Variants in GSTCD observed in about 807,000 individuals in gnomAD.
The protein encoded by GSTCD is glutathione S-transferase C-terminal domain containing, also known as glutathione S-transferase C-terminal domain-containing protein.
GSTCD carries 44 observed loss-of-function variants against 68.3 expected under a neutral mutation model. That is an observed-to-expected ratio of 0.64 (90% CI 0.51 to 0.83). GSTCD has a LOEUF of 0.83. Among genes scored for constraint, GSTCD ranks in the 40% least tolerant of loss-of-function variants. The probability of loss-of-function intolerance (pLI) is 0.00; values close to 1 mark genes in which losing one functional copy is unlikely to be tolerated. For synonymous variants in GSTCD, 273 were observed against 255.2 expected, an observed-to-expected ratio of 1.07 and a Z score of -0.67; for missense variants, 739 against 735.9, an observed-to-expected ratio of 1.00 and a Z score of -0.05.
intron 5 of GSTCD, among the ~76,000 whole-genome samples, chr4:105,773,010 T>C (rs1734915745): frequency 6.6e-6 from 1 of 152,218 alleles, no homozygotes; most frequent in African/African-American, 2.4e-5. Flanking sequence ...GTTGGTAGGC[T>C]ATTAATTACT....
intron 5 of GSTCD, among the ~76,000 whole-genome samples, chr4:105,743,106 C>A (rs940701051): frequency 6.6e-6 from 1 of 151,816 alleles, no homozygotes; most frequent in African/African-American, 2.4e-5. Context: ...CCCGCCACCA[C>A]GCCTGGCTAA....
rs896712615 is a variant in GSTCD at position 105,777,866 on chromosome 4, T to C, written c.1241-45088T>C. ...AAATTCAAGGCATTTTTAATTATTA[T>C]ATAATTTTAATTATATATTAACAAT... On this transcript the variant is annotated intron_variant, in intron 5 of 11. Coordinates refer to ENST00000515279, the MANE Select transcript of GSTCD (RefSeq NM_001370181.1). 2.0e-5 allele frequency among the ~76,000 whole-genome samples: 3 copies of C among 152,104 alleles called. No homozygotes were observed. The South Asian group carries it at 6.2e-4, about 31-fold the overall frequency.
At chr4:105,763,151 GC>G (rs1302474187) in intron 5 of GSTCD, among the ~76,000 whole-genome samples, 1 of 152,102 alleles carries the variant, frequency 6.6e-6, no homozygotes, top group Non-Finnish European at 1.5e-5. Flanking sequence ...ATTTAAGAGT[GC>G]AGAGGATATT....
At chr4:105,757,582 T>G (rs915197914) in intron 5 of GSTCD, among the ~76,000 whole-genome samples, 1 of 151,998 alleles carries the variant, frequency 6.6e-6, no homozygotes, top group Admixed American at 6.6e-5. Flanking sequence ...ATGTTATTTT[T>G]GCATTCTGGG....
intron 4 of GSTCD, 103 bp downstream of exon 4, chr4:105,726,933 ATTT>A: frequency 1.0e-6 from 1 of 959,374 alleles, no homozygotes; most frequent in Non-Finnish European, 1.5e-6. Flanking sequence ...TTTGTTATAA[ATTT>A]TATTTGTAGC....
chr4:105,846,375 CAAATAAAT>C lies in GSTCD; in HGVS notation c.*811_*818del, dbSNP rs56671596. 2 of 151,864 alleles carry C rather than the reference CAAATAAAT, an allele frequency of 1.3e-5. No individual in the cohort carries two copies. The highest frequency in any genetic ancestry group is 2.9e-5 in the Non-Finnish European group (2 of 67,982). The allele number at this position is 151,864 out of a possible 1,614,324, so 9.4% of individuals were successfully genotyped here. ...ATAAATCAATGAATGAATTAATAAA[CAAATAAAT>C]AAATAAATAAATTTCCCATAAATTA... is the stretch of plus-strand genomic sequence containing the variant. On this transcript the variant is annotated 3_prime_UTR_variant, in exon 12 of 12. Coordinates refer to ENST00000515279, the MANE Select transcript of GSTCD (RefSeq NM_001370181.1).
chr4:105,807,678 G>C (rs778152178), intron 5 of GSTCD, among the ~76,000 whole-genome samples: 1 of 152,104 alleles, frequency 6.6e-6, no homozygotes, highest in Non-Finnish European at 1.5e-5. Context: ...ATACTATAGA[G>C]CTAATGGTGT....
At chr4:105,739,508 G>A (rs554391981) in intron 5 of GSTCD, among the ~76,000 whole-genome samples, 1 of 152,146 alleles carries the variant, frequency 6.6e-6, no homozygotes, top group Non-Finnish European at 1.5e-5. Context: ...TTTGATGGGA[G>A]ACTTTTTATT....
chr4:105,813,420 T>C (rs1722834517), intron 5 of GSTCD, among the ~76,000 whole-genome samples: 1 of 152,208 alleles, frequency 6.6e-6, no homozygotes, highest in Non-Finnish European at 1.5e-5. Context: ...AAACTTTGTT[T>C]TGAGCACAAA....
chr4:105,738,499 T>G (rs1177282500), intron 5 of GSTCD, among the ~76,000 whole-genome samples: 3 of 152,232 alleles, frequency 2.0e-5, no homozygotes, highest in Non-Finnish European at 4.4e-5. Context: ...TTTTAACATA[T>G]TCTTCTAAAG....
chr4:105,760,947 C>G (rs1240101571), intron 5 of GSTCD: 6 of 326,672 alleles, frequency 1.8e-5, no homozygotes, highest in South Asian at 1.2e-4. Context: ...CTCAGAACTC[C>G]TGGACAAAGA....
chr4:105,728,562 G>C (rs1733116450), intron 4 of GSTCD, among the ~76,000 whole-genome samples: 1 of 151,988 alleles, frequency 6.6e-6, no homozygotes, highest in Non-Finnish European at 1.5e-5. Flanking sequence ...TTTTATAATG[G>C]AAAGTAATCT....
chr4:105,791,114 C>A (rs753322359), intron 5 of GSTCD, among the ~76,000 whole-genome samples: 28 of 151,944 alleles, frequency 1.8e-4, no homozygotes, highest in Non-Finnish European at 3.4e-4. Context: ...GAGGGGCTGG[C>A]CGGGCACGGT....
intron 8 of GSTCD, among the ~76,000 whole-genome samples, chr4:105,832,467 T>C (rs964043144): frequency 6.6e-6 from 1 of 152,200 alleles, no homozygotes. Flanking sequence ...CTTTTTTGCA[T>C]GTAGTGTAAG....
At chr4:105,739,515 T>TA (rs1402846361) in intron 5 of GSTCD, among the ~76,000 whole-genome samples, 1 of 152,234 alleles carries the variant, frequency 6.6e-6, no homozygotes, top group Non-Finnish European at 1.5e-5. Flanking sequence ...GGAGACTTTT[T>TA]ATTACTAATT....
chr4:105,757,959 C>T (rs919382025), intron 5 of GSTCD, among the ~76,000 whole-genome samples: 1 of 152,126 alleles, frequency 6.6e-6, no homozygotes, highest in Admixed American at 6.5e-5. Context: ...TAGACATGTT[C>T]CTACTATACT....
rs760630464 is a variant in GSTCD, at chr4:105,845,494, TG to T, written c.1820del (p.Cys607LeufsTer7). 1 of 1,614,142 alleles carries T rather than the reference TG, an allele frequency of 6.2e-7. No individual in the cohort carries two copies. Among genetic ancestry groups the T allele is most frequent in the East Asian group, 2.2e-5 (1 of 44,882 alleles). ...GGATCGAGCAAGAGCTGCAGAAGAA[TG>T]TGGATACTCCGTTCAAGTGATATCC... is the stretch of plus-strand genomic sequence containing the variant. ...DLDRARAAEE[C>X]GYSVQVISME... On this transcript the variant is annotated frameshift_variant, in exon 12 of 12. Transcript: ENST00000515279. LOFTEE classifies it high-confidence loss of function.
At chr4:105,734,272 T>C (rs1733373829) in intron 5 of GSTCD, among the ~76,000 whole-genome samples, 1 of 152,242 alleles carries the variant, frequency 6.6e-6, no homozygotes, top group Non-Finnish European at 1.5e-5. Context: ...GATAATATCC[T>C]GCAGCGTGTT....
At chr4:105,820,313 T>G (rs1368748488) in intron 5 of GSTCD, among the ~76,000 whole-genome samples, 3 of 151,780 alleles carry the variant, frequency 2.0e-5, no homozygotes, top group Non-Finnish European at 4.4e-5. Flanking sequence ...AAAAACTCAT[T>G]TGCAGAAGAA....
Sources: gnomAD v4.1 joint callset for allele counts (sites outside exome capture counted in the v4.1 genomes callset) on GRCh38, gnomAD v4.1.1 for gene constraint, MANE v1.5 for transcripts, NCBI Gene and HGNC (gene_info 2026-07-23, HGNC 2026-07-21) for gene names.